C7orf78: variants seen among roughly 807,000 people sequenced by gnomAD.
The protein encoded by C7orf78 is chromosome 7 open reading frame 78, also known as putative uncharacterized protein C7orf78.
At chr7:12,531,850 C>G in the C7orf78 span, among the ~76,000 whole-genome samples, 1 of 152,160 alleles carries the variant, frequency 6.6e-6, no homozygotes, top group Non-Finnish European at 1.5e-5. Flanking sequence ...AGGAGAGCAG[C>G]TCCTTTCCAG....
the C7orf78 span, among the ~76,000 whole-genome samples, chr7:12,488,928 G>C: frequency 3.0e-5 from 4 of 134,032 alleles, no homozygotes; most frequent in African/African-American, 6.2e-5. Flanking sequence ...TTTTTTTTTG[G>C]TTTTTTGCTT....
At chr7:12,504,882 A>G in the C7orf78 span, among the ~76,000 whole-genome samples, 9 of 152,184 alleles carry the variant, frequency 5.9e-5, no homozygotes, top group South Asian at 1.9e-3. Flanking sequence ...TATATTGACA[A>G]CTTATTAAGG....
At chr7:12,532,745 T>G in the C7orf78 span, among the ~76,000 whole-genome samples, 1 of 152,170 alleles carries the variant, frequency 6.6e-6, no homozygotes, top group African/African-American at 2.4e-5. Flanking sequence ...ATGCTTTTTT[T>G]GCATACAATA....
chr7:12,521,821 A>T, the C7orf78 span, among the ~76,000 whole-genome samples: 1 of 151,886 alleles, frequency 6.6e-6, no homozygotes. Flanking sequence ...TGTGGCATAA[A>T]AGACTTTTAA....
the C7orf78 span, among the ~76,000 whole-genome samples, chr7:12,504,919 T>C: frequency 0.16 from 24,195 of 151,982 alleles, 2,333 homozygotes; most frequent in South Asian, 0.24. Flanking sequence ...ATCTATTTTT[T>C]TACCTATCTA....
the C7orf78 span, among the ~76,000 whole-genome samples, chr7:12,488,209 T>C: frequency 3.3e-5 from 5 of 152,048 alleles, no homozygotes; most frequent in African/African-American, 7.2e-5. Context: ...TTTCAAACAT[T>C]GCTTAATTTG....
At chr7:12,494,922 G>A in the C7orf78 span, among the ~76,000 whole-genome samples, 4 of 150,412 alleles carry the variant, frequency 2.7e-5, no homozygotes, top group African/African-American at 4.8e-5. Context: ...ACCAGGTACC[G>A]ATAGACAACT....
chr7:12,532,045 C>A, the C7orf78 span, among the ~76,000 whole-genome samples: 32 of 152,250 alleles, frequency 2.1e-4, no homozygotes, highest in African/African-American at 7.2e-4. Flanking sequence ...CTCCACTGAC[C>A]AGTGCCATCT....
chr7:12,502,476 GA>G, the C7orf78 span, among the ~76,000 whole-genome samples: 1 of 151,764 alleles, frequency 6.6e-6, no homozygotes, highest in African/African-American at 2.4e-5. Flanking sequence ...AAAAACACAT[GA>G]AAAAATGCTC....
chr7:12,504,360 C>G, the C7orf78 span: 1 of 152,180 alleles, frequency 6.6e-6, no homozygotes, highest in Non-Finnish European at 1.5e-5. Flanking sequence ...TTTTTCTACT[C>G]TGACTTGAGT....
the C7orf78 span, among the ~76,000 whole-genome samples, chr7:12,504,042 C>T: frequency 1.3e-5 from 2 of 152,120 alleles, no homozygotes; most frequent in Non-Finnish European, 2.9e-5. Context: ...AAAAAATGTC[C>T]TTTGAAGAAA....
At chr7:12,525,753 CA>C in the C7orf78 span, 1 of 393,506 alleles carries the variant, frequency 2.5e-6, no homozygotes, top group Middle Eastern at 6.4e-4. Context: ...TAGGAAAAAT[CA>C]AACTCCAACT....
At chr7:12,508,420 C>A in the C7orf78 span, among the ~76,000 whole-genome samples, 1 of 151,966 alleles carries the variant, frequency 6.6e-6, no homozygotes, top group Non-Finnish European at 1.5e-5. Context: ...GTCCATGATG[C>A]TTATGTGGTA....
the C7orf78 span, among the ~76,000 whole-genome samples, chr7:12,528,538 T>C: frequency 6.6e-6 from 1 of 152,018 alleles, no homozygotes; most frequent in African/African-American, 2.4e-5. Context: ...GTATATGCTA[T>C]GTGTCACTCA....
At chr7:12,489,459 C>T in the C7orf78 span, among the ~76,000 whole-genome samples, 1 of 152,110 alleles carries the variant, frequency 6.6e-6, no homozygotes, top group African/African-American at 2.4e-5. Flanking sequence ...TATTTGAAAA[C>T]TCAGTAGATC....
the C7orf78 span, among the ~76,000 whole-genome samples, chr7:12,501,534 G>A: frequency 2.0e-5 from 3 of 148,246 alleles, no homozygotes; most frequent in East Asian, 6.0e-4. Flanking sequence ...GGGATGTGAA[G>A]GACCTCTTCA....
the C7orf78 span, among the ~76,000 whole-genome samples, chr7:12,490,109 T>C: frequency 1.3e-5 from 2 of 152,172 alleles, no homozygotes; most frequent in African/African-American, 2.4e-5. Context: ...ATAATATTAA[T>C]AGCTAACATT....
chr7:12,531,276 A>C, the C7orf78 span, among the ~76,000 whole-genome samples: 1 of 152,170 alleles, frequency 6.6e-6, no homozygotes, highest in African/African-American at 2.4e-5. Context: ...ATCCAATCCC[A>C]TTATCAAATA....
chr7:12,541,096 T>C, the C7orf78 span: 11 of 152,220 alleles, frequency 7.2e-5, no homozygotes, highest in African/African-American at 2.7e-4. Flanking sequence ...AGTTGCATAA[T>C]TTGAAATTCC....
Sources: allele counts gnomAD v4.1 joint callset (sites outside exome capture counted in the v4.1 genomes callset), GRCh38; gene constraint gnomAD v4.1.1; transcripts MANE v1.5; gene names NCBI Gene and HGNC (gene_info 2026-07-23, HGNC 2026-07-21).